The following ZNF334 variants were observed in gnomAD, a reference collection of about 807,000 sequenced individuals.
ZNF334 encodes zinc finger protein 334.
Under a neutral mutation model 12.4 loss-of-function variants are expected in ZNF334, and 14 were observed. The observed-to-expected ratio is 1.13, with a 90% CI of 0.74 to 1.76. The LOEUF is 1.76. Ranked by LOEUF, ZNF334 falls within the 40% of genes most tolerant of loss-of-function variation. ZNF334 has a pLI of 0.00. For synonymous variants in ZNF334, 273 were observed against 269.6 expected (o/e 1.01, Z -0.12); for missense variants, 797 against 804.5 (o/e 0.99, Z 0.11).
At chr20:46,508,773 T>C (rs1043919096) in intron 2 of ZNF334, among the ~76,000 whole-genome samples, 1 of 152,256 alleles carries the variant, frequency 6.6e-6, no homozygotes, top group Non-Finnish European at 1.5e-5. Flanking sequence ...TCCCAAGTCC[T>C]GTATAACTTT....
the ZNF334 span, among the ~76,000 whole-genome samples, chr20:46,490,667 G>A: frequency 6.6e-6 from 1 of 152,136 alleles, no homozygotes; most frequent in Admixed American, 6.6e-5. Context: ...TGTACGTGGA[G>A]AAACAATTCT....
the ZNF334 span, among the ~76,000 whole-genome samples, chr20:46,485,896 C>A: frequency 6.6e-6 from 1 of 152,136 alleles, no homozygotes; most frequent in African/African-American, 2.4e-5. Context: ...TCTCCTACCC[C>A]CAAAATACTT....
the ZNF334 span, chr20:46,481,307 C>A: frequency 2.0e-5 from 3 of 152,172 alleles, no homozygotes; most frequent in African/African-American, 7.2e-5. Flanking sequence ...ACAGAGGGGA[C>A]CTAAATAACC....
chr20:46,506,395 G>GT (rs931285132), intron 2 of ZNF334: 1 of 515,586 alleles, frequency 1.9e-6, no homozygotes, highest in African/African-American at 2.0e-5. Flanking sequence ...AGAGGTTGAG[G>GT]TAGGCTGATC....
the ZNF334 span, chr20:46,481,414 C>T: frequency 1.3e-5 from 2 of 152,298 alleles, no homozygotes; most frequent in South Asian, 2.1e-4. Context: ...AACTGCTCAA[C>T]GACTGACCCA....
rs1273423208 is a variant in ZNF334, at chr20:46,512,910, A to G, written c.-409T>C. 2 of 152,246 alleles carry G rather than the reference A, an allele frequency of 1.3e-5. No individual in the cohort carries two copies. Among genetic ancestry groups the G allele is most frequent in the Non-Finnish European group, 2.9e-5 (2 of 68,080 alleles). 9.4% of individuals were successfully genotyped at this position (152,246 alleles called of 1,614,324 possible). A position where few individuals can be genotyped will look rare whatever the true frequency, so the allele number is the denominator to read the frequency against. On this transcript the variant is annotated 5_prime_UTR_variant, in exon 1 of 5. The change abolishes an upstream ATG in the 5' untranslated region. Coordinates refer to ENST00000692313, the MANE Select transcript of ZNF334 (RefSeq NM_001353824.2). ...GTAAATCCCAGGTGAGGTGATGAAC[A>G]TGGTTGGTGCAGCTCTGAATAAACA...
downstream of ZNF334, among the ~76,000 whole-genome samples, chr20:46,497,952 C>G (rs556705894): frequency 4.7e-4 from 21 of 44,386 alleles, no homozygotes; most frequent in South Asian, 5.3e-3. Flanking sequence ...GAACATTATT[C>G]CAAGATTTCC....
chr20:46,467,831 C>T, the ZNF334 span, among the ~76,000 whole-genome samples: 1 of 152,178 alleles, frequency 6.6e-6, no homozygotes, highest in South Asian at 2.1e-4. Flanking sequence ...TAGCGATCCA[C>T]GTTACATAAT....
chr20:46,504,128 A>T, intron 4 of ZNF334, 86 bp downstream of exon 4: 1 of 920,866 alleles, frequency 1.1e-6, no homozygotes, highest in Non-Finnish European at 1.6e-6. Context: ...AATTCATGAA[A>T]AACATTACGA....
chr20:46,464,625 C>G, the ZNF334 span: 3 of 420,896 alleles, frequency 7.1e-6, no homozygotes, highest in Non-Finnish European at 1.4e-5. Flanking sequence ...TCACATGACT[C>G]TCTGTGGAGA....
At chr20:46,492,251 CGTCT>C in the ZNF334 span, 1 of 152,544 alleles carries the variant, frequency 6.6e-6, no homozygotes, top group Non-Finnish European at 1.5e-5. Flanking sequence ...AACCTTTGTC[CGTCT>C]GTCAGATCTA....
chr20:46,479,798 G>A, the ZNF334 span, among the ~76,000 whole-genome samples: 1 of 152,134 alleles, frequency 6.6e-6, no homozygotes, highest in Non-Finnish European at 1.5e-5. Context: ...ACTGAAGCCT[G>A]CTACCTGGAG....
intron 2 of ZNF334, chr20:46,506,639 A>C: frequency 4.5e-5 from 13 of 286,284 alleles, no homozygotes; most frequent in Non-Finnish European, 5.1e-5. Flanking sequence ...AAAAACCCAC[A>C]TGTAACCACT....
chr20:46,508,670 G>C (rs2061527998), intron 2 of ZNF334, among the ~76,000 whole-genome samples: 1 of 152,202 alleles, frequency 6.6e-6, no homozygotes, highest in Admixed American at 6.5e-5. Flanking sequence ...TCAGGGTTCT[G>C]TGGGATGCTG....
In ZNF334 at chr20:46,512,154, A is replaced by G. The variant is rs1188329234; in HGVS notation, c.-38-14T>C. The stretch of plus-strand genomic sequence containing the variant: ...TTGAAAGCAGAGCTGGGTAAGGAAG[A>G]ATGGCGAATGGAATCATGAGCGATT... On this transcript the variant is annotated splice_polypyrimidine_tract_variant and intron_variant, in intron 1 of 4. Coordinates refer to ENST00000692313, the MANE Select transcript of ZNF334 (RefSeq NM_001353824.2). 6.2e-7 allele frequency: 1 copy of G among 1,603,316 alleles called. No homozygotes were observed. Among genetic ancestry groups the G allele is most frequent in the Non-Finnish European group, 8.5e-7 (1 of 1,170,758 alleles).
At chr20:46,503,196 T>C (rs1246480038) in intron 4 of ZNF334, 99 bp from the exon 5 acceptor site, 5 of 1,340,064 alleles carry the variant, frequency 3.7e-6, no homozygotes, top group Non-Finnish European at 4.9e-6. Flanking sequence ...GGGTTAGACT[T>C]CAGGCCAAGC....
At chr20:46,493,608 A>AC in the ZNF334 span, among the ~76,000 whole-genome samples, 1 of 152,118 alleles carries the variant, frequency 6.6e-6, no homozygotes, top group Non-Finnish European at 1.5e-5. Context: ...ACATGGTGAA[A>AC]CCCTGTCTGT....
At position 46,502,587 on chromosome 20, in the gene ZNF334, G is replaced by A; in HGVS notation, c.752C>T (p.Thr251Ile). The change falls in exon 5 of 5, where the codon ACC (threonine) becomes ATC (isoleucine). Residue 251 changes from threonine to isoleucine, a missense_variant. Physicochemically the swap from Thr to Ile is moderately conservative, Grantham distance 89. Transcript: ENST00000692313. ...ATGAATTCTCTGATGTACAATGAGG[G>A]TAGATCTCTTAGAAAAGGTTTTCCT... ...ECRKTFSKRS[T>I]LIVHQRIHTG... 2.5e-6 allele frequency: 4 copies of A among 1,613,838 alleles called. No individual in the cohort carries two copies. Among genetic ancestry groups the A allele is most frequent in the Non-Finnish European group, 3.4e-6 (4 of 1,180,018 alleles).
In ZNF334 at chr20:46,501,980, T is replaced by C. The variant is rs762827926; in HGVS notation, c.1359A>G (p.Ile453Met). ...CATAAGACTTCTTTCCTCTATGAGT[T>C]ATCTGATGTGCAATGAGGGCTGATT... ...CTKSALIAHQITHRGKKSYEC... is the reference protein window; with the variant it reads ...CTKSALIAHQMTHRGKKSYEC... Residue 453 changes from isoleucine to methionine, a missense_variant, in exon 5 of 5, where the codon ATA becomes ATG. By Grantham distance (10) the Ile-to-Met change is conservative. Coordinates refer to ENST00000692313, the MANE Select transcript of ZNF334 (RefSeq NM_001353824.2). 6.2e-7 allele frequency: 1 copy of C among 1,614,066 alleles called. No individual in the cohort carries two copies. Among genetic ancestry groups the C allele is most frequent in the Admixed American group, 1.7e-5 (1 of 60,032 alleles).
Sources: gnomAD v4.1 joint callset for allele counts (sites outside exome capture counted in the v4.1 genomes callset) on GRCh38, gnomAD v4.1.1 for gene constraint, MANE v1.5 for transcripts, NCBI Gene and HGNC (gene_info 2026-07-23, HGNC 2026-07-21) for gene names.